The following EFHC2 variants were observed in gnomAD, a reference collection of about 807,000 sequenced individuals.
The protein encoded by EFHC2 is EF-hand domain-containing family member C2.
In EFHC2, 18 loss-of-function variants were observed where a neutral mutation model predicts 52.7. The ratio of observed to expected loss-of-function variants is 0.34; its 90% CI spans 0.24 to 0.51. EFHC2 has a LOEUF of 0.51. Among genes scored for constraint, EFHC2 ranks in the 20% least tolerant of loss-of-function variants. EFHC2 has a pLI of 0.97. For missense variants in EFHC2, 513 were observed against 562.5 expected, an observed-to-expected ratio of 0.91 and a Z score of 0.89; for synonymous variants, 203 against 204.1, an observed-to-expected ratio of 0.99 and a Z score of 0.04.
In EFHC2 at chrX:44,178,433, A is replaced by C. The variant is rs369842394; in HGVS notation, c.1883T>G (p.Phe628Cys). ...GAAATTCTCAAACATATTTTTCTTG[A>C]ACTTTTCGTGGGCCAGTGCGATTAA... ...DFLIALAHEK[F>C]KKNMFENFDT... The change falls in exon 12 of 15, where the codon TTC becomes TGC. Residue 628 changes from phenylalanine (F) to cysteine (C), a missense_variant. By Grantham distance (205) the Phe-to-Cys change is radical. Coordinates refer to ENST00000420999, the MANE Select transcript of EFHC2 (RefSeq NM_025184.4). The C allele has an allele frequency of 1.7e-6, 2 of 1,205,218 alleles. No homozygotes were observed. The highest frequency in any genetic ancestry group is 2.2e-6 in the Non-Finnish European group (2 of 891,852).
chrX:44,319,442 C>T (rs757556405), intron 1 of EFHC2, among the ~76,000 whole-genome samples: 3 of 111,737 alleles, frequency 2.7e-5, no homozygotes, highest in South Asian at 7.5e-4. Context: ...CTCACTCTTT[C>T]CAGGGATGCC....
intron 10 of EFHC2, 126 bp from the exon 11 acceptor site, chrX:44,229,905 A>C: frequency 2.9e-6 from 2 of 680,030 alleles, no homozygotes; most frequent in Non-Finnish European, 4.4e-6. Flanking sequence ...TTGTCTTTGC[A>C]AAGAAACCAA....
chrX:44,255,719 A>G (rs1244440263), intron 4 of EFHC2, among the ~76,000 whole-genome samples: 1 of 111,775 alleles, frequency 8.9e-6, no homozygotes, highest in African/African-American at 3.3e-5. Context: ...GATCAACGAG[A>G]CAGAAAATTA....
At chrX:44,186,734 A>C (rs1339857575) in intron 11 of EFHC2, among the ~76,000 whole-genome samples, 2 of 111,757 alleles carry the variant, frequency 1.8e-5, no homozygotes, top group Non-Finnish European at 3.8e-5. Context: ...TGGTGCTTGT[A>C]ATCAATTTAG....
At chrX:44,178,129 TCACA>T (rs201977577) in intron 12 of EFHC2, among the ~76,000 whole-genome samples, 2,072 of 83,908 alleles carry the variant, frequency 0.025, 62 homozygotes, top group African/African-American at 0.086. Flanking sequence ...AGATGCCATA[TCACA>T]CACACACACA....
At chrX:44,239,614 G>A (rs1463660044) in intron 8 of EFHC2, among the ~76,000 whole-genome samples, 2 of 111,995 alleles carry the variant, frequency 1.8e-5, no homozygotes, top group African/African-American at 6.5e-5. Context: ...GAAGTTGTAT[G>A]GCCTCTCTGA....
intron 7 of EFHC2, among the ~76,000 whole-genome samples, chrX:44,244,038 CA>C (rs1282764023): frequency 1.8e-5 from 2 of 111,760 alleles, no homozygotes; most frequent in African/African-American, 6.5e-5. Flanking sequence ...GCAGTCTAAC[CA>C]AAAGAGGACA....
At chrX:44,333,092 G>A (rs926828876) in intron 1 of EFHC2, among the ~76,000 whole-genome samples, 2 of 111,367 alleles carry the variant, frequency 1.8e-5, no homozygotes, top group Admixed American at 9.6e-5. Context: ...TTAAGGACCC[G>A]GTTTGTGTAA....
intron 1 of EFHC2, among the ~76,000 whole-genome samples, chrX:44,328,023 T>G (rs959146063): frequency 8.9e-6 from 1 of 111,785 alleles, no homozygotes; most frequent in East Asian, 2.8e-4. Context: ...GCTATGATAT[T>G]TTTGCTCTAA....
intron 11 of EFHC2, among the ~76,000 whole-genome samples, chrX:44,226,065 A>G: frequency 8.9e-6 from 1 of 112,015 alleles, no homozygotes; most frequent in East Asian, 2.8e-4. Flanking sequence ...CTTAGCCCCC[A>G]GTAAGTGCTC....
intron 1 of EFHC2, among the ~76,000 whole-genome samples, chrX:44,318,767 T>C (rs1047164505): frequency 2.7e-5 from 3 of 111,409 alleles, no homozygotes; most frequent in African/African-American, 9.8e-5. Flanking sequence ...TTTCTGCCTT[T>C]TTCTATGTCC....
chrX:44,292,209 T>TACAC (rs747764616), intron 2 of EFHC2, among the ~76,000 whole-genome samples: 14 of 109,512 alleles, frequency 1.3e-4, no homozygotes, highest in Non-Finnish European at 2.7e-4. Context: ...ATTTATCACA[T>TACAC]ACACACACAC....
At chrX:44,250,562 T>C (rs1358762986) in intron 4 of EFHC2, 117 bp from the exon 5 acceptor site, 2 of 881,350 alleles carry the variant, frequency 2.3e-6, no homozygotes, top group African/African-American at 2.0e-5. Flanking sequence ...TGGTGGCTGA[T>C]GCCTGTAATC....
At chrX:44,337,781 T>C (rs915333198) in intron 1 of EFHC2, among the ~76,000 whole-genome samples, 1 of 112,282 alleles carries the variant, frequency 8.9e-6, no homozygotes, top group African/African-American at 3.2e-5. Context: ...CCACCAGCAA[T>C]GAGTGAGAAT....
intron 2 of EFHC2, among the ~76,000 whole-genome samples, chrX:44,280,805 T>A (rs934516857): frequency 4.4e-5 from 5 of 112,669 alleles, no homozygotes; most frequent in African/African-American, 1.3e-4. Flanking sequence ...AAATATTTAC[T>A]AGAAGATATA....
At chrX:44,277,217 C>T (rs1191252136) in intron 2 of EFHC2, among the ~76,000 whole-genome samples, 3 of 102,229 alleles carry the variant, frequency 2.9e-5, no homozygotes, top group African/African-American at 1.1e-4. Flanking sequence ...AGAGATTGCG[C>T]CACTGCACTC....
chrX:44,226,383 G>A (rs906859902), intron 11 of EFHC2, among the ~76,000 whole-genome samples: 2 of 111,226 alleles, frequency 1.8e-5, no homozygotes, highest in Admixed American at 9.5e-5. Flanking sequence ...AGGGTGAGTG[G>A]GAGAGGTCGA....
intron 11 of EFHC2, among the ~76,000 whole-genome samples, chrX:44,227,513 C>T: frequency 9.0e-6 from 1 of 110,806 alleles, no homozygotes; most frequent in Middle Eastern, 4.6e-3. Flanking sequence ...CTAGAACCCC[C>T]AGGAACAACT....
intron 14 of EFHC2, among the ~76,000 whole-genome samples, chrX:44,162,428 T>C (rs764888292): frequency 1.8e-5 from 2 of 111,301 alleles, no homozygotes; most frequent in African/African-American, 3.3e-5. Context: ...ATCTCCAGTC[T>C]ACCCACCATC....
Sources: gnomAD v4.1 joint callset for allele counts (sites outside exome capture counted in the v4.1 genomes callset) on GRCh38, gnomAD v4.1.1 for gene constraint, MANE v1.5 for transcripts, NCBI Gene and HGNC (gene_info 2026-07-23, HGNC 2026-07-21) for gene names.